The following RNGTT variants were observed in gnomAD, a reference collection of about 807,000 sequenced individuals.
The protein encoded by RNGTT is RNA guanylyltransferase and 5'-phosphatase.
Under a neutral mutation model 79.3 loss-of-function variants are expected in RNGTT, and 33 were observed. That is an observed-to-expected ratio of 0.42 (90% CI 0.32 to 0.56). RNGTT has a LOEUF of 0.56. Among genes scored for constraint, RNGTT ranks in the 20% least tolerant of loss-of-function variants. RNGTT has a pLI of 0.17. For synonymous variants in RNGTT, 222 were observed against 235.9 expected, an observed-to-expected ratio of 0.94 and a Z score of 0.54; for missense variants, 497 against 739.1, an observed-to-expected ratio of 0.67 and a Z score of 3.80.
chr6:88,890,417 G>A (rs757836057), intron 8 of RNGTT, 78 bp downstream of exon 8: 11 of 897,482 alleles, frequency 1.2e-5, no homozygotes, highest in Non-Finnish European at 1.8e-5. Flanking sequence ...TCTCAAGAGT[G>A]TAAACTTTTC....
At chr6:88,900,733 C>CA (rs1167523257) in intron 6 of RNGTT, among the ~76,000 whole-genome samples, 8 of 96,530 alleles carry the variant, frequency 8.3e-5, no homozygotes, top group South Asian at 3.3e-4. Flanking sequence ...GACTCTGTCT[C>CA]AAAAAAAATA....
At chr6:88,957,371 C>T (rs1785470119) in intron 1 of RNGTT, among the ~76,000 whole-genome samples, 2 of 152,130 alleles carry the variant, frequency 1.3e-5, no homozygotes, top group Non-Finnish European at 1.5e-5. Context: ...CTCACCAGAG[C>T]AATCAGGCAA....
intron 11 of RNGTT, among the ~76,000 whole-genome samples, chr6:88,841,730 T>C (rs994990705): frequency 1.3e-5 from 2 of 152,168 alleles, no homozygotes; most frequent in Non-Finnish European, 1.5e-5. Context: ...TAGAGAAATA[T>C]AAAAAGAGCA....
intron 13 of RNGTT, among the ~76,000 whole-genome samples, chr6:88,747,606 G>A (rs180829100): frequency 8.0e-4 from 122 of 152,290 alleles, no homozygotes; most frequent in Non-Finnish European, 1.5e-3. Context: ...CGTGTTTGAT[G>A]GTGAGCCTAA....
intron 11 of RNGTT, among the ~76,000 whole-genome samples, chr6:88,820,489 G>A (rs986448173): frequency 2.0e-5 from 3 of 152,158 alleles, no homozygotes; most frequent in Non-Finnish European, 4.4e-5. Flanking sequence ...AAATAAAATT[G>A]TCTTTTTTCA....
intron 14 of RNGTT, among the ~76,000 whole-genome samples, chr6:88,624,374 CAGAG>C (rs1772548318): frequency 6.6e-6 from 1 of 151,798 alleles, no homozygotes; most frequent in African/African-American, 2.4e-5. Flanking sequence ...TATTGGTAAG[CAGAG>C]AGACACATGG....
intron 13 of RNGTT, among the ~76,000 whole-genome samples, chr6:88,682,568 C>A (rs1217337): frequency 0.85 from 128,697 of 152,164 alleles, 55,596 homozygotes; most frequent in African/African-American, 0.96. Flanking sequence ...CCATAAAGCA[C>A]ATTTTTTTTC....
At chr6:88,680,392 A>G (rs1775047036) in intron 13 of RNGTT, among the ~76,000 whole-genome samples, 1 of 152,132 alleles carries the variant, frequency 6.6e-6, no homozygotes, top group South Asian at 2.1e-4. Context: ...CTTAGATTCT[A>G]TGAAATAAGG....
chr6:88,703,203 T>C (rs566528596), intron 13 of RNGTT, among the ~76,000 whole-genome samples: 1 of 152,330 alleles, frequency 6.6e-6, no homozygotes, highest in African/African-American at 2.4e-5. Flanking sequence ...TTACTGGGGA[T>C]GTATCCAAAG....
chr6:88,682,542 A>G (rs1026946599), intron 13 of RNGTT, among the ~76,000 whole-genome samples: 1 of 152,204 alleles, frequency 6.6e-6, no homozygotes, highest in African/African-American at 2.4e-5. Flanking sequence ...TGGGATGTAA[A>G]TTTAAAAAGT....
intron 12 of RNGTT, among the ~76,000 whole-genome samples, chr6:88,783,758 C>A (rs1287967139): frequency 6.7e-6 from 1 of 148,826 alleles, no homozygotes. Context: ...GGGGGCTGTT[C>A]CGTGCAATGT....
At chr6:88,770,291 T>TG (rs1170367932) in intron 12 of RNGTT, among the ~76,000 whole-genome samples, 2 of 152,198 alleles carry the variant, frequency 1.3e-5, no homozygotes, top group Non-Finnish European at 2.9e-5. Flanking sequence ...TTCAAGGATG[T>TG]GAAAAAATTT....
intron 14 of RNGTT, among the ~76,000 whole-genome samples, chr6:88,631,134 GTCTT>G (rs1772865516): frequency 6.6e-6 from 1 of 152,184 alleles, no homozygotes; most frequent in Non-Finnish European, 1.5e-5. Context: ...TAGCAGCTCT[GTCTT>G]TCTGATGGCC....
At chr6:88,875,400 T>G (rs1361769049) in intron 8 of RNGTT, among the ~76,000 whole-genome samples, 8 of 152,118 alleles carry the variant, frequency 5.3e-5, no homozygotes, top group Non-Finnish European at 1.0e-4. Flanking sequence ...TTAATTTCTT[T>G]TTAATGTTTT....
intron 2 of RNGTT, among the ~76,000 whole-genome samples, chr6:88,939,535 T>C (rs1784778661): frequency 6.6e-6 from 1 of 152,184 alleles, no homozygotes; most frequent in Non-Finnish European, 1.5e-5. Flanking sequence ...CAGTATTCTG[T>C]ATTGCTTTTC....
intron 14 of RNGTT, among the ~76,000 whole-genome samples, chr6:88,629,803 C>A (rs141204467): frequency 2.6e-5 from 4 of 152,212 alleles, no homozygotes; most frequent in African/African-American, 9.6e-5. Context: ...CATCTTTTCT[C>A]TAGAAAGTAA....
At chr6:88,626,188 A>T (rs922279709) in intron 14 of RNGTT, among the ~76,000 whole-genome samples, 4 of 152,044 alleles carry the variant, frequency 2.6e-5, no homozygotes, top group African/African-American at 9.7e-5. Context: ...ATCTAATTTA[A>T]TCTGTACAAG....
At chr6:88,920,423 T>C (rs940568978) in intron 4 of RNGTT, among the ~76,000 whole-genome samples, 2 of 152,224 alleles carry the variant, frequency 1.3e-5, no homozygotes, top group African/African-American at 4.8e-5. Context: ...TGGTACAGTA[T>C]GCAGCTATTA....
In RNGTT at chr6:88,810,850, T is replaced by C. The variant is rs183299015; in HGVS notation, c.1270-9218A>G. Reference sequence around the variant, plus strand: ...AAAATACAATTGCATGCAGTGTTCATGAGATAGATATTTCCTGACTGCCTT... The same window carrying C: ...AAAATACAATTGCATGCAGTGTTCACGAGATAGATATTTCCTGACTGCCTT... On this transcript the variant is annotated intron_variant, in intron 11 of 15. Transcript: ENST00000369485. Among the ~76,000 whole-genome samples, 275 of 151,890 alleles carry C rather than the reference T, an allele frequency of 1.8e-3. 3 individuals are homozygous for C. The highest frequency in any genetic ancestry group is 6.5e-3 in the African/African-American group (269 of 41,532).
Sources: gnomAD v4.1 joint callset for allele counts (sites outside exome capture counted in the v4.1 genomes callset) on GRCh38, gnomAD v4.1.1 for gene constraint, MANE v1.5 for transcripts, NCBI Gene and HGNC (gene_info 2026-07-23, HGNC 2026-07-21) for gene names.